The following ISOC1 variants were observed in gnomAD, a reference collection of about 807,000 sequenced individuals.
The protein encoded by ISOC1 is isochorismatase domain-containing protein 1.
A neutral mutation model predicts 30.0 loss-of-function variants in ISOC1; 33 were observed. The ratio of observed to expected loss-of-function variants is 1.10; its 90% CI spans 0.83 to 1.47. ISOC1 has a LOEUF of 1.47. Among genes scored for constraint, ISOC1 ranks in the 40% most tolerant of loss-of-function variants. The pLI is 0.00. For missense variants in ISOC1, 372 were observed against 388.0 expected, an observed-to-expected ratio of 0.96 and a Z score of 0.35; for synonymous variants, 178 against 159.8, an observed-to-expected ratio of 1.11 and a Z score of -0.86.
chr5:129,101,177 A>AT (rs1262165401), intron 1 of ISOC1, among the ~76,000 whole-genome samples: 6 of 113,032 alleles, frequency 5.3e-5, no homozygotes, highest in African/African-American at 2.3e-4. Flanking sequence ...AAAAAAAAAA[A>AT]AAAAAAAAAA....
At chr5:129,102,984 T>C (rs767189345) in intron 1 of ISOC1, among the ~76,000 whole-genome samples, 17 of 152,224 alleles carry the variant, frequency 1.1e-4, no homozygotes, top group Non-Finnish European at 2.4e-4. Context: ...TTTACGCAAC[T>C]GCCCAGGAAT....
chr5:129,112,503 G>A (rs1320341562), intron 4 of ISOC1, among the ~76,000 whole-genome samples: 1 of 152,174 alleles, frequency 6.6e-6, no homozygotes, highest in Non-Finnish European at 1.5e-5. Flanking sequence ...ATGTCCAGAT[G>A]TTCAGTGATG....
chr5:129,108,267 T>A (rs903666561), intron 4 of ISOC1, among the ~76,000 whole-genome samples: 50 of 152,214 alleles, frequency 3.3e-4, no homozygotes, highest in Middle Eastern at 3.4e-3. Flanking sequence ...AAAGAAGGGA[T>A]GAGTACAGGG....
chr5:129,099,983 A>G lies in ISOC1; in HGVS notation c.309+4908A>G, dbSNP rs1289236228. The stretch of plus-strand genomic sequence containing the variant: ...TCTAATGCCTACTGAGGCTTGTGCT[A>G]TAAAGGGGATCTTTGTAACCTGGGG... On this transcript the variant is annotated intron_variant, in intron 1 of 4. Coordinates refer to ENST00000173527, the MANE Select transcript of ISOC1 (RefSeq NM_016048.2). Among the ~76,000 whole-genome samples, 3 of 152,344 alleles carry G rather than the reference A, an allele frequency of 2.0e-5. No individual in the cohort carries two copies. In the South Asian group the frequency reaches 6.2e-4, roughly 32 times the overall value.
At position 129,105,298 on chromosome 5, in the gene ISOC1, A is replaced by G; in HGVS notation, c.543A>G (p.Pro181=). ...IDLTGVKLVL[P]KTKFSMVLPE... ...TAACAGGTGTAAAACTGGTACTTCC[A>G]AAGACCAAGTTTTCAATGGTATTAC... Residue 181 remains proline (P), a synonymous_variant, in exon 3 of 5, where the codon CCA becomes CCG. Transcript: ENST00000173527. 3.1e-6 allele frequency: 5 copies of G among 1,613,928 alleles called. No individual in the cohort carries two copies. Among genetic ancestry groups the G allele is most frequent in the Non-Finnish European group, 4.2e-6 (5 of 1,179,844 alleles).
chr5:129,114,028 A>T lies in ISOC1; in HGVS notation c.*1027A>T, dbSNP rs1484075141. The stretch of plus-strand genomic sequence containing the variant: ...TTTTATATTAAAGTAATTAAAGAAA[A>T]TGTATTGTGATTGAAATTATTTTGT... On this transcript the variant is annotated 3_prime_UTR_variant, in exon 5 of 5. Coordinates refer to ENST00000173527, the MANE Select transcript of ISOC1 (RefSeq NM_016048.2). 6 of 152,178 alleles carry T rather than the reference A, an allele frequency of 3.9e-5. No homozygotes were observed. The highest frequency in any genetic ancestry group is 1.4e-4 in the African/African-American group (6 of 41,452). 9.4% of individuals were successfully genotyped at this position (152,178 alleles called of 1,614,324 possible). A position where few individuals can be genotyped will look rare whatever the true frequency, so the allele number is the denominator to read the frequency against.
chr5:129,094,800 C>A lies in ISOC1; in HGVS notation c.34C>A (p.Pro12Thr). 6.5e-7 allele frequency: 1 copy of A among 1,532,514 alleles called. No homozygotes were observed. Among genetic ancestry groups the A allele is most frequent in the Non-Finnish European group, 8.7e-7 (1 of 1,144,430 alleles). The allele number at this position is 1,532,514 out of a possible 1,614,324, so 94.9% of individuals were successfully genotyped here. A position where few individuals can be genotyped will look rare whatever the true frequency, so the allele number is the denominator to read the frequency against. The change falls in exon 1 of 5, where the codon CCC becomes ACC. Residue 12 changes from proline to threonine, a missense_variant. Pro to Thr is a conservative substitution (Grantham distance 38). Coordinates refer to ENST00000173527, the MANE Select transcript of ISOC1 (RefSeq NM_016048.2). Reference protein sequence around the residue: ...AAAEPAVLALPNSGAGGAGAP... With the variant: ...AAAEPAVLALTNSGAGGAGAP... ...TGCGGAGCCGGCGGTCCTTGCGCTC[C>A]CCAACAGCGGCGCCGGGGGCGCGGG... is the stretch of plus-strand genomic sequence containing the variant.
At chr5:129,110,599 A>T (rs1246607263) in intron 4 of ISOC1, among the ~76,000 whole-genome samples, 2 of 152,142 alleles carry the variant, frequency 1.3e-5, no homozygotes, top group Non-Finnish European at 2.9e-5. Flanking sequence ...TATGGGTGTC[A>T]CTTTCCTAAA....
chr5:129,105,984 G>T (rs1042008104), intron 3 of ISOC1, among the ~76,000 whole-genome samples: 3 of 152,152 alleles, frequency 2.0e-5, no homozygotes, highest in Admixed American at 6.5e-5. Context: ...AATTTAATGT[G>T]ATTATGACAA....
In ISOC1 at chr5:129,113,525, G is replaced by A. The variant is rs1753737647; in HGVS notation, c.*524G>A. 6.5e-6 allele frequency: 1 copy of A among 152,678 alleles called. No individual in the cohort carries two copies. The highest frequency in any genetic ancestry group is 2.4e-5 in the African/African-American group (1 of 41,468). 9.5% of individuals were successfully genotyped at this position (152,678 alleles called of 1,614,324 possible). On this transcript the variant is annotated 3_prime_UTR_variant, in exon 5 of 5. Coordinates refer to ENST00000173527, the MANE Select transcript of ISOC1 (RefSeq NM_016048.2). Reference sequence around the variant, plus strand: ...CTCCCCTCACAATGTTGTCCACTTAGTGAGTTGCATTGATCTATCCGTACC... The same window carrying A: ...CTCCCCTCACAATGTTGTCCACTTAATGAGTTGCATTGATCTATCCGTACC...
rs371076578 is a variant in ISOC1, at chr5:129,105,183, A to T, written c.430-2A>T. 1.2e-6 allele frequency: 2 copies of T among 1,612,494 alleles called. No homozygotes were observed. The highest frequency in any genetic ancestry group is 2.7e-5 in the African/African-American group (2 of 74,750). ...TTTTTGTGTTTGGTTATTTTTTTTCAGTTGCAAGGGGCCCGGATTTTAGGA... is the reference window on the plus strand; with the variant it reads ...TTTTTGTGTTTGGTTATTTTTTTTCTGTTGCAAGGGGCCCGGATTTTAGGA... On this transcript the variant is annotated splice_acceptor_variant, in intron 2 of 4. Transcript: ENST00000173527. LOFTEE classifies it high-confidence loss of function.
At chr5:129,101,044 T>C (rs1050952976) in intron 1 of ISOC1, among the ~76,000 whole-genome samples, 1 of 149,364 alleles carries the variant, frequency 6.7e-6, no homozygotes, top group Non-Finnish European at 1.5e-5. Flanking sequence ...TGTTTGTTTG[T>C]TTGTGAGACA....
intron 1 of ISOC1, among the ~76,000 whole-genome samples, chr5:129,100,983 G>C (rs923730581): frequency 6.7e-6 from 1 of 149,004 alleles, no homozygotes; most frequent in African/African-American, 2.5e-5. Context: ...ATAGTACAGA[G>C]AGTTCCTATA....
intron 4 of ISOC1, among the ~76,000 whole-genome samples, chr5:129,112,641 C>G (rs1236505611): frequency 6.6e-6 from 1 of 151,766 alleles, no homozygotes; most frequent in East Asian, 1.9e-4. Context: ...TTTACTCGTT[C>G]TACTCCATTT....
At chr5:129,103,322 A>G (rs1272097398) in intron 1 of ISOC1, among the ~76,000 whole-genome samples, 3 of 152,232 alleles carry the variant, frequency 2.0e-5, no homozygotes, top group Non-Finnish European at 4.4e-5. Flanking sequence ...TTTGAAAATG[A>G]CCAAAGCAGA....
chr5:129,112,049 T>C (rs897709794), intron 4 of ISOC1, among the ~76,000 whole-genome samples: 2 of 152,182 alleles, frequency 1.3e-5, no homozygotes, highest in East Asian at 1.9e-4. Context: ...TCATATGCTA[T>C]AGGTCAGATG....
At position 129,113,105 on chromosome 5, in the gene ISOC1, A is replaced by G; in HGVS notation, c.*104A>G. On this transcript the variant is annotated 3_prime_UTR_variant, in exon 5 of 5. Coordinates refer to ENST00000173527, the MANE Select transcript of ISOC1 (RefSeq NM_016048.2). ...TATCTCTACTAGAATTAAAATGTTA[A>G]GTCAAAAACGGCTCCTTTTTTGCGC... The G allele has an allele frequency of 8.8e-7, 1 of 1,137,594 alleles. No individual in the cohort carries two copies. Among genetic ancestry groups the G allele is most frequent in the Non-Finnish European group, 1.2e-6 (1 of 832,344 alleles). 70.5% of individuals were successfully genotyped at this position (1,137,594 alleles called of 1,614,324 possible).
At chr5:129,103,902 G>A (rs1753601523) in intron 1 of ISOC1, among the ~76,000 whole-genome samples, 1 of 152,144 alleles carries the variant, frequency 6.6e-6, no homozygotes, top group Non-Finnish European at 1.5e-5. Flanking sequence ...ATCCTTTACA[G>A]TACTTCCTGC....
At chr5:129,109,367 A>G (rs1753677132) in intron 4 of ISOC1, among the ~76,000 whole-genome samples, 1 of 152,232 alleles carries the variant, frequency 6.6e-6, no homozygotes, top group Non-Finnish European at 1.5e-5. Flanking sequence ...TGAGAATGGA[A>G]TGAGATAATA....
Sources: allele counts gnomAD v4.1 joint callset (sites outside exome capture counted in the v4.1 genomes callset), GRCh38; gene constraint gnomAD v4.1.1; transcripts MANE v1.5; gene names NCBI Gene and HGNC (gene_info 2026-07-23, HGNC 2026-07-21).